Variants in SLC24A2 observed in about 807,000 individuals in gnomAD.
SLC24A2 encodes the protein solute carrier family 24 member 2.
Under a neutral mutation model 62.0 loss-of-function variants are expected in SLC24A2, and 36 were observed. The ratio of observed to expected loss-of-function variants is 0.58; its 90% CI spans 0.44 to 0.77. The LOEUF is 0.77. SLC24A2 is among the 30% of genes least tolerant of loss of function. The pLI, the probability that SLC24A2 is intolerant of heterozygous loss-of-function variation, is 0.00. For synonymous variants in SLC24A2, 358 were observed against 294.0 expected (o/e 1.22, Z -2.23); for missense variants, 846 against 817.9 (o/e 1.03, Z -0.42).
the SLC24A2 span, among the ~76,000 whole-genome samples, chr9:19,848,570 G>T: frequency 6.6e-6 from 1 of 152,144 alleles, no homozygotes; most frequent in East Asian, 1.9e-4. Flanking sequence ...AAGCACTTAG[G>T]ATGGTCCTAG....
At chr9:20,283,360 G>C in the SLC24A2 span, among the ~76,000 whole-genome samples, 1 of 152,160 alleles carries the variant, frequency 6.6e-6, no homozygotes, top group South Asian at 2.1e-4. Context: ...CCCTGCATGG[G>C]GGTTGGAGGG....
At chr9:19,828,870 G>C in the SLC24A2 span, among the ~76,000 whole-genome samples, 1 of 152,168 alleles carries the variant, frequency 6.6e-6, no homozygotes, top group Non-Finnish European at 1.5e-5. Flanking sequence ...CTCAGGCTCA[G>C]AGAAGCCTTG....
chr9:19,528,506 C>G (rs377505346), intron 8 of SLC24A2, among the ~76,000 whole-genome samples: 8 of 152,166 alleles, frequency 5.3e-5, no homozygotes, highest in African/African-American at 7.2e-5. Context: ...CTTTTTCTTT[C>G]TTTTGCTCCA....
the SLC24A2 span, among the ~76,000 whole-genome samples, chr9:20,268,191 G>C: frequency 6.6e-6 from 1 of 152,210 alleles, no homozygotes; most frequent in Non-Finnish European, 1.5e-5. Flanking sequence ...GGTGTGAGTT[G>C]TTGACAGTAC....
the SLC24A2 span, among the ~76,000 whole-genome samples, chr9:20,022,627 T>C: frequency 8.5e-5 from 13 of 152,340 alleles, no homozygotes; most frequent in Admixed American, 6.5e-4. Flanking sequence ...CTAAGTTATA[T>C]GACTAAAGAA....
At chr9:20,172,262 A>G in the SLC24A2 span, among the ~76,000 whole-genome samples, 2 of 152,058 alleles carry the variant, frequency 1.3e-5, no homozygotes, top group Non-Finnish European at 2.9e-5. Flanking sequence ...CTGAAAGAGC[A>G]CAGGCAATCT....
chr9:20,147,725 G>A, the SLC24A2 span, among the ~76,000 whole-genome samples: 7 of 151,474 alleles, frequency 4.6e-5, no homozygotes, highest in African/African-American at 1.2e-4. Context: ...AGGATGGCCC[G>A]TGGTCAGTAT....
the SLC24A2 span, among the ~76,000 whole-genome samples, chr9:20,303,900 A>G: frequency 6.6e-6 from 1 of 152,168 alleles, no homozygotes; most frequent in South Asian, 2.1e-4. Flanking sequence ...GGTGCTGTGC[A>G]TCTTATGCTT....
At position 19,788,952 on chromosome 9, in the gene SLC24A2, G is replaced by A; in HGVS notation, c.-221C>T. On this transcript the variant is annotated 5_prime_UTR_variant, in exon 1 of 11. Transcript: ENST00000341998. The stretch of plus-strand genomic sequence containing the variant: ...CGCGGCCCGCCGCTCCAGTCCGCCG[G>A]CCCTCCGCCTACCCGCTCTGAGGCC... 9.1e-6 allele frequency: 9 copies of A among 985,084 alleles called. No individual in the cohort carries two copies. The highest frequency in any genetic ancestry group is 1.1e-5 in the Non-Finnish European group (9 of 829,620). The allele number at this position is 985,084 out of a possible 1,614,324, so 61.0% of individuals were successfully genotyped here.
chr9:20,144,555 A>G, the SLC24A2 span, among the ~76,000 whole-genome samples: 3 of 152,322 alleles, frequency 2.0e-5, no homozygotes, highest in African/African-American at 4.8e-5. Flanking sequence ...TCTGAAAAGC[A>G]TAGCAAGATC....
In SLC24A2 at chr9:19,547,559, A is replaced by C. The variant is rs372233655; in HGVS notation, c.1479+2578T>G. Among the ~76,000 whole-genome samples the C allele has an allele frequency of 2.7e-5, 4 of 147,584 alleles. 1 individual carries two copies. The highest frequency in any genetic ancestry group is 1.1e-4 in the African/African-American group (4 of 37,004). ...TTTCAACTAGGATTACCAAGAGGAT[A>C]AACACTTTGCCAGCCCTTTCTCTGA... On this transcript the variant is annotated intron_variant, in intron 8 of 10. Coordinates refer to ENST00000341998, the MANE Select transcript of SLC24A2 (RefSeq NM_020344.4).
At chr9:20,300,888 C>G in the SLC24A2 span, among the ~76,000 whole-genome samples, 126 of 152,280 alleles carry the variant, frequency 8.3e-4, 3 homozygotes, top group East Asian at 0.023. Context: ...AAAGCAGGGA[C>G]ATTTGCCTGC....
chr9:19,887,157 A>G, the SLC24A2 span, among the ~76,000 whole-genome samples: 1 of 152,180 alleles, frequency 6.6e-6, no homozygotes, highest in East Asian at 1.9e-4. Flanking sequence ...GCACACGTTT[A>G]TCTATATAGC....
intron 2 of SLC24A2, among the ~76,000 whole-genome samples, chr9:19,625,157 T>C (rs1379977817): frequency 6.6e-6 from 1 of 152,190 alleles, no homozygotes; most frequent in African/African-American, 2.4e-5. Context: ...AGGATTAATC[T>C]TGGCATTCTT....
At chr9:20,215,095 T>C in the SLC24A2 span, among the ~76,000 whole-genome samples, 1 of 152,166 alleles carries the variant, frequency 6.6e-6, no homozygotes, top group Admixed American at 6.5e-5. Context: ...AAGTCCAAGA[T>C]CAAGGCGTTG....
the SLC24A2 span, among the ~76,000 whole-genome samples, chr9:19,960,907 A>G: frequency 2.6e-5 from 4 of 152,092 alleles, no homozygotes. Context: ...TGGCTATATC[A>G]TCTATTCAGC....
chr9:20,053,135 T>C, the SLC24A2 span, among the ~76,000 whole-genome samples: 1 of 152,224 alleles, frequency 6.6e-6, no homozygotes, highest in African/African-American at 2.4e-5. Flanking sequence ...TTAGTAATGA[T>C]GTGTTTGTTG....
chr9:19,983,497 C>T, the SLC24A2 span, among the ~76,000 whole-genome samples: 1 of 151,848 alleles, frequency 6.6e-6, no homozygotes, highest in Admixed American at 6.6e-5. Context: ...ACAAAAATTA[C>T]CCGGGCATGG....
At chr9:19,623,662 G>A (rs978151637) in intron 2 of SLC24A2, among the ~76,000 whole-genome samples, 2 of 152,204 alleles carry the variant, frequency 1.3e-5, no homozygotes, top group African/African-American at 2.4e-5. Context: ...GGATTTTTAA[G>A]AAGGTGAAAT....
Sources: gnomAD v4.1 joint callset for allele counts (sites outside exome capture counted in the v4.1 genomes callset) on GRCh38, gnomAD v4.1.1 for gene constraint, MANE v1.5 for transcripts, NCBI Gene and HGNC (gene_info 2026-07-23, HGNC 2026-07-21) for gene names.